The following PTPRK variants were observed in gnomAD, a reference collection of about 807,000 sequenced individuals.
PTPRK encodes protein tyrosine phosphatase receptor type K.
PTPRK carries 75 observed loss-of-function variants against 178.0 expected under a neutral mutation model. That is an observed-to-expected ratio of 0.42 (90% CI 0.35 to 0.51). The LOEUF (loss-of-function observed/expected upper bound fraction) is 0.51, where lower values mean the gene tolerates loss of function less well. PTPRK is among the 20% of genes least tolerant of loss of function. PTPRK has a pLI of 0.02. For missense variants in PTPRK, 1,441 were observed against 1,797.8 expected (o/e 0.80, Z 3.59); for synonymous variants, 637 against 620.6 (o/e 1.03, Z -0.39).
chr6:128,243,722 C>T (rs1030924126), intron 3 of PTPRK, among the ~76,000 whole-genome samples: 2 of 151,796 alleles, frequency 1.3e-5, no homozygotes, highest in African/African-American at 4.8e-5. Context: ...ATAATGTGTG[C>T]TGTGACTTTC....
chr6:128,456,066 C>T (rs576994116), intron 1 of PTPRK, among the ~76,000 whole-genome samples: 1 of 152,178 alleles, frequency 6.6e-6, no homozygotes, highest in East Asian at 1.9e-4. Context: ...CTTGTTTTAT[C>T]ATGAATCGGG....
intron 1 of PTPRK, among the ~76,000 whole-genome samples, chr6:128,421,681 T>C (rs1321169231): frequency 3.9e-5 from 6 of 152,196 alleles, no homozygotes; most frequent in Non-Finnish European, 8.8e-5. Context: ...ATACCCAAAA[T>C]GTACTGCTGT....
chr6:128,150,087 T>C (rs960246016), intron 7 of PTPRK, among the ~76,000 whole-genome samples: 7 of 152,152 alleles, frequency 4.6e-5, no homozygotes, highest in Non-Finnish European at 1.0e-4. Context: ...CATTCATTAG[T>C]ATCAATTTGG....
At chr6:128,274,061 C>T (rs1040035878) in intron 3 of PTPRK, among the ~76,000 whole-genome samples, 4 of 151,928 alleles carry the variant, frequency 2.6e-5, no homozygotes, top group Admixed American at 1.3e-4. Flanking sequence ...AGGATCAAGA[C>T]TCTGTTATGC....
intron 2 of PTPRK, among the ~76,000 whole-genome samples, chr6:128,356,209 C>A (rs1833940072): frequency 6.6e-6 from 1 of 152,068 alleles, no homozygotes; most frequent in African/African-American, 2.4e-5. Context: ...TTAGTCTACC[C>A]CCTTGACTAA....
rs538664721 is a variant in PTPRK at position 128,055,551 on chromosome 6, G to A, written c.2194+9207C>T. ...TCATTTTCTTAATGTCTTTGTATTC[G>A]CCATGATTATTGCCTAAACATTTCC... On this transcript the variant is annotated intron_variant, in intron 13 of 29. Coordinates refer to ENST00000368226, the MANE Select transcript of PTPRK (RefSeq NM_002844.4). 4.0e-5 allele frequency among the ~76,000 whole-genome samples: 6 copies of A among 150,550 alleles called. No individual in the cohort carries two copies. In the East Asian group the frequency reaches 5.9e-4, roughly 15 times the overall value.
chr6:128,200,555 G>A (rs1281009555), intron 6 of PTPRK, among the ~76,000 whole-genome samples: 1 of 151,640 alleles, frequency 6.6e-6, no homozygotes, highest in Non-Finnish European at 1.5e-5. Context: ...CAAGACTCCT[G>A]ACTCTATGAA....
chr6:128,172,462 A>G (rs1000171462), intron 7 of PTPRK, among the ~76,000 whole-genome samples: 1 of 151,920 alleles, frequency 6.6e-6, no homozygotes, highest in Admixed American at 6.6e-5. Context: ...TTTGTCCTAC[A>G]GAGGCTTCTG....
At chr6:128,153,805 T>C (rs993261802) in intron 7 of PTPRK, among the ~76,000 whole-genome samples, 4 of 152,018 alleles carry the variant, frequency 2.6e-5, no homozygotes, top group East Asian at 3.9e-4. Context: ...TTATGGAAAA[T>C]TCGTTCATTC....
intron 1 of PTPRK, among the ~76,000 whole-genome samples, chr6:128,513,913 T>C (rs1857540718): frequency 6.6e-6 from 1 of 152,204 alleles, no homozygotes; most frequent in Non-Finnish European, 1.5e-5. Context: ...CCTTCCTCTC[T>C]ACTCTTGAAT....
chr6:128,285,506 C>G (rs1822344257), intron 3 of PTPRK, among the ~76,000 whole-genome samples: 1 of 131,300 alleles, frequency 7.6e-6, no homozygotes, highest in South Asian at 2.5e-4. Context: ...CAGAGCAAGA[C>G]TCTGTCTAAA....
chr6:128,178,114 A>C (rs1232202930), intron 7 of PTPRK, among the ~76,000 whole-genome samples: 1 of 151,878 alleles, frequency 6.6e-6, no homozygotes, highest in East Asian at 1.9e-4. Context: ...GGAAGCATTA[A>C]ACCAACTCTG....
intron 1 of PTPRK, among the ~76,000 whole-genome samples, chr6:128,497,933 C>T (rs1854967378): frequency 6.6e-6 from 1 of 151,862 alleles, no homozygotes; most frequent in Non-Finnish European, 1.5e-5. Flanking sequence ...GTATTTTTAA[C>T]AATAAGTAGT....
At chr6:128,094,003 T>G (rs1049205232) in intron 7 of PTPRK, among the ~76,000 whole-genome samples, 3 of 152,176 alleles carry the variant, frequency 2.0e-5, no homozygotes, top group Non-Finnish European at 4.4e-5. Flanking sequence ...TCTCAATGGA[T>G]AGAAGCAAGA....
Position 128,397,614 on chromosome 6 carries a change from G to T in PTPRK, c.175C>A (p.His59Asn). 2 of 1,613,798 alleles carry T rather than the reference G, an allele frequency of 1.2e-6. No homozygotes were observed. Among genetic ancestry groups the T allele is most frequent in the South Asian group, 2.2e-5 (2 of 91,068 alleles). The change falls in exon 2 of 30, where the codon CAT becomes AAT. Residue 59 changes from histidine to asparagine, a missense_variant. Physicochemically the swap from His to Asn is moderately conservative, Grantham distance 68. Transcript: ENST00000368226. ...QDLYDDFEWV[H>N]VSAQEPHYLP... ...TAATGAGGCTCTTGAGCACTAACAT[G>T]CACCCATTCAAAGTCATCATACAGA...
chr6:128,327,524 A>G (rs1829739505), intron 2 of PTPRK, among the ~76,000 whole-genome samples: 1 of 152,128 alleles, frequency 6.6e-6, no homozygotes, highest in Admixed American at 6.6e-5. Context: ...TTCTCCACAC[A>G]TCATGCCAGT....
At chr6:128,288,321 AT>A (rs1017319312) in intron 3 of PTPRK, among the ~76,000 whole-genome samples, 51 of 152,254 alleles carry the variant, frequency 3.3e-4, no homozygotes, top group African/African-American at 1.2e-3. Context: ...TAATTCACAG[AT>A]TTTTTTGAAG....
At chr6:128,139,579 G>A in intron 7 of PTPRK, among the ~76,000 whole-genome samples, 1 of 152,032 alleles carries the variant, frequency 6.6e-6, no homozygotes, top group Admixed American at 6.6e-5. Context: ...TACAGTCAAT[G>A]AAGTCAATAA....
Position 128,194,069 on chromosome 6 carries a change from ATTAT to A in PTPRK, c.869-9348_869-9345del, listed in dbSNP as rs1414768569. 9.9e-4 allele frequency among the ~76,000 whole-genome samples: 130 copies of A among 131,796 alleles called. 1 individual carries two copies. Among genetic ancestry groups the A allele is most frequent in the African/African-American group, 3.8e-3 (120 of 31,376 alleles). 86.5% of individuals were successfully genotyped at this position (131,796 alleles called of 152,430 possible). ...TCGCAATAATATTTATATATATATT[ATTAT>A]TATTATTATTATTATTATTATTATT... is the stretch of plus-strand genomic sequence containing the variant. On this transcript the variant is annotated intron_variant, in intron 6 of 29. Transcript: ENST00000368226.
Sources: gnomAD v4.1 joint callset for allele counts (sites outside exome capture counted in the v4.1 genomes callset) on GRCh38, gnomAD v4.1.1 for gene constraint, MANE v1.5 for transcripts, NCBI Gene and HGNC (gene_info 2026-07-23, HGNC 2026-07-21) for gene names.